Variants in DIAPH2 observed in about 807,000 individuals in gnomAD.
DIAPH2 encodes protein diaphanous homolog 2.
Under a neutral mutation model 92.7 loss-of-function variants are expected in DIAPH2, and 35 were observed. That is an observed-to-expected ratio of 0.38 (90% CI 0.29 to 0.50). The LOEUF is 0.50. Ranked by LOEUF, DIAPH2 falls within the 20% of genes least tolerant of loss-of-function variation. The probability of loss-of-function intolerance (pLI) is 0.94; values close to 1 mark genes in which losing one functional copy is unlikely to be tolerated. For missense variants in DIAPH2, 701 were observed against 819.5 expected (o/e 0.86, Z 1.77); for synonymous variants, 301 against 280.4 (o/e 1.07, Z -0.73).
chrX:96,958,291 T>G, intron 16 of DIAPH2, 143 bp downstream of exon 16: 2 of 700,686 alleles, frequency 2.9e-6, no homozygotes, highest in Non-Finnish European at 3.9e-6. Flanking sequence ...CATCTTTCAA[T>G]TTAGGTTGTA....
intron 1 of DIAPH2, among the ~76,000 whole-genome samples, chrX:96,720,936 T>C (rs1017260942): frequency 8.9e-6 from 1 of 111,743 alleles, no homozygotes. Flanking sequence ...GTTATACATG[T>C]GACCTCATTG....
chrX:97,205,700 TTGG>T (rs1219305203), intron 22 of DIAPH2, among the ~76,000 whole-genome samples: 1 of 111,485 alleles, frequency 9.0e-6, no homozygotes, highest in Admixed American at 9.5e-5. Flanking sequence ...TTTTACACTA[TTGG>T]TGGGAGTGTA....
intron 22 of DIAPH2, among the ~76,000 whole-genome samples, chrX:97,242,805 G>C (rs1246819038): frequency 9.1e-6 from 1 of 109,399 alleles, no homozygotes; most frequent in Non-Finnish European, 1.9e-5. Context: ...TTATTTTTTT[G>C]AGGTGGAGTC....
chrX:97,599,380 A>T lies in DIAPH2; in HGVS notation c.*63A>T, dbSNP rs752093350. The T allele has an allele frequency of 5.0e-5, 41 of 824,394 alleles. No homozygotes were observed. In the African/African-American group the frequency reaches 7.8e-4, roughly 16 times the overall value. The allele number at this position is 824,394 out of a possible 1,213,427, so 67.9% of individuals were successfully genotyped here. ...AACAAAATGATGCATTTTGAGAAGA[A>T]CAAAGTGTGCACTCAGCGGCTGGAA... On this transcript the variant is annotated 3_prime_UTR_variant, in exon 27 of 27. Coordinates refer to ENST00000324765, the MANE Select transcript of DIAPH2 (RefSeq NM_006729.5).
At chrX:97,151,258 T>C (rs1256139029) in intron 22 of DIAPH2, among the ~76,000 whole-genome samples, 1 of 111,533 alleles carries the variant, frequency 9.0e-6, no homozygotes, top group East Asian at 2.8e-4. Flanking sequence ...TTAATGTATG[T>C]TTTACTTCAA....
chrX:97,527,409 T>C (rs1232961213), intron 26 of DIAPH2, among the ~76,000 whole-genome samples: 1 of 111,993 alleles, frequency 8.9e-6, no homozygotes, highest in East Asian at 2.8e-4. Context: ...AAGCAACATA[T>C]CAGCGTGTGT....
Position 96,948,941 on chromosome X carries a change from G to C in DIAPH2, c.1516G>C (p.Glu506Gln). The C allele has an allele frequency of 8.4e-7, 1 of 1,188,755 alleles. No individual in the cohort carries two copies. Residue 506 changes from glutamate (E) to glutamine (Q), a missense_variant, in exon 15 of 27, where the codon GAA becomes CAA. Glu to Gln is a conservative substitution (Grantham distance 29). Transcript: ENST00000324765. ...KAAEFSKKFDEEFTARQEAQA... is the reference protein window; with the variant it reads ...KAAEFSKKFDQEFTARQEAQA... The stretch of plus-strand genomic sequence containing the variant: ...TTGATGGTGATCATTGCAGTTCGAT[G>C]AAGAATTCACAGCTCGACAGGAAGC...
In DIAPH2 at chrX:96,912,318, T is replaced by G. The variant is rs1310363821; in HGVS notation, c.588-10T>G. 1 of 1,181,363 alleles carries G rather than the reference T, an allele frequency of 8.5e-7. No individual in the cohort carries two copies. ...TTACTTATACATCTAATTTTTTGTT[T>G]ATTTCTCAGCTGGGTTAACAACTTT... On this transcript the variant is annotated splice_polypyrimidine_tract_variant and intron_variant, in intron 5 of 26. Coordinates refer to ENST00000324765, the MANE Select transcript of DIAPH2 (RefSeq NM_006729.5).
intron 21 of DIAPH2, among the ~76,000 whole-genome samples, chrX:97,140,140 A>C (rs1376860894): frequency 1.8e-5 from 2 of 111,713 alleles, no homozygotes; most frequent in Admixed American, 1.9e-4. Context: ...CTAAGCACTT[A>C]ATGTTTCCAG....
chrX:96,925,991 T>C (rs1456900562), intron 9 of DIAPH2, among the ~76,000 whole-genome samples: 1 of 111,641 alleles, frequency 9.0e-6, no homozygotes, highest in Non-Finnish European at 1.9e-5. Context: ...CCTGCTGGGC[T>C]AGGATAAAGA....
At chrX:97,538,029 C>T (rs947807125) in intron 26 of DIAPH2, among the ~76,000 whole-genome samples, 4 of 108,927 alleles carry the variant, frequency 3.7e-5, no homozygotes, top group Non-Finnish European at 5.7e-5. Flanking sequence ...GGACTACAGG[C>T]GCCCGCCACC....
rs1478700966 is a variant in DIAPH2, at chrX:96,854,908, G to A, written c.448-26671G>A. The stretch of plus-strand genomic sequence containing the variant: ...AAACAAAACTATGGATAAGTGGGGG[G>A]CTACTGTAACATAATCTTTGGTTTT... On this transcript the variant is annotated intron_variant, in intron 4 of 26. Coordinates refer to ENST00000324765, the MANE Select transcript of DIAPH2 (RefSeq NM_006729.5). Among the ~76,000 whole-genome samples, 7 of 108,071 alleles carry A rather than the reference G, an allele frequency of 6.5e-5. No homozygotes were observed. The Admixed American group carries it at 7.0e-4, about 11-fold the overall frequency. 93.8% of individuals were successfully genotyped at this position (108,071 alleles called of 115,157 possible).
intron 22 of DIAPH2, among the ~76,000 whole-genome samples, chrX:97,184,896 C>T (rs371629232): frequency 1.0e-4 from 11 of 110,282 alleles, no homozygotes; most frequent in South Asian, 3.9e-4. Flanking sequence ...TCTAATGCAG[C>T]GGCACGTTGT....
chrX:96,807,034 G>A (rs1467496907), intron 4 of DIAPH2, among the ~76,000 whole-genome samples: 5 of 111,855 alleles, frequency 4.5e-5, no homozygotes, highest in Non-Finnish European at 5.7e-5. Context: ...GAGCCACCGC[G>A]CCTGGCCCTG....
chrX:97,201,134 C>CCT (rs2067745274), intron 22 of DIAPH2, among the ~76,000 whole-genome samples: 1 of 93,107 alleles, frequency 1.1e-5, no homozygotes, highest in Non-Finnish European at 2.1e-5. Flanking sequence ...AAGAAAGACC[C>CCT]CCCCCCCAAA....
chrX:97,051,990 C>T (rs762992143), intron 17 of DIAPH2, among the ~76,000 whole-genome samples: 6 of 111,799 alleles, frequency 5.4e-5, no homozygotes, highest in Non-Finnish European at 9.4e-5. Context: ...ATTTATTGAA[C>T]ACCTATTATA....
intron 4 of DIAPH2, among the ~76,000 whole-genome samples, chrX:96,851,065 CT>C (rs1442919684): frequency 9.0e-6 from 1 of 111,182 alleles, no homozygotes; most frequent in Non-Finnish European, 1.9e-5. Context: ...CTAGAATGTA[CT>C]TATTGAAGCA....
chrX:97,559,652 C>G (rs1164965990), intron 26 of DIAPH2, among the ~76,000 whole-genome samples: 1 of 111,904 alleles, frequency 8.9e-6, no homozygotes, highest in Admixed American at 9.5e-5. Flanking sequence ...CTTTTCGTTT[C>G]TACGTACACG....
At chrX:97,539,454 A>C (rs1482509581) in intron 26 of DIAPH2, among the ~76,000 whole-genome samples, 1 of 112,109 alleles carries the variant, frequency 8.9e-6, no homozygotes, top group Admixed American at 9.5e-5. Flanking sequence ...AAGAAATTGA[A>C]GGTTCAAAAT....
Sources: allele counts gnomAD v4.1 joint callset (sites outside exome capture counted in the v4.1 genomes callset), GRCh38; gene constraint gnomAD v4.1.1; transcripts MANE v1.5; gene names NCBI Gene and HGNC (gene_info 2026-07-23, HGNC 2026-07-21).